The following ANKRD31 variants were observed in gnomAD, a reference collection of about 807,000 sequenced individuals.
The protein encoded by ANKRD31 is ankyrin repeat domain-containing protein 31.
In ANKRD31, 147 loss-of-function variants were observed where a neutral mutation model predicts 186.0. The ratio of observed to expected loss-of-function variants is 0.79; its 90% CI spans 0.69 to 0.91. The LOEUF is 0.91. Among genes scored for constraint, ANKRD31 ranks in the 40% least tolerant of loss-of-function variants. ANKRD31 has a pLI of 0.00. For synonymous variants in ANKRD31, 673 were observed against 736.4 expected (o/e 0.91, Z 1.39); for missense variants, 1,986 against 2,148.8 (o/e 0.92, Z 1.50).
At chr5:75,231,964 C>T (rs1355976872) in intron 1 of ANKRD31, among the ~76,000 whole-genome samples, 2 of 150,670 alleles carry the variant, frequency 1.3e-5, no homozygotes, top group Admixed American at 6.6e-5. Flanking sequence ...TCTAATAGTT[C>T]TCAGCATCAG....
chr5:75,214,908 C>T (rs2150295191), intron 3 of ANKRD31, among the ~76,000 whole-genome samples: 1 of 152,238 alleles, frequency 6.6e-6, no homozygotes, highest in South Asian at 2.1e-4. Flanking sequence ...AGTCAGGATC[C>T]TCCAGAGAAA....
At position 75,068,339 on chromosome 5, in the gene ANKRD31, G is replaced by A. The variant is rs1743928721; in HGVS notation, c.*180C>T. The A allele has an allele frequency of 1.9e-6, 1 of 520,028 alleles. No homozygotes were observed. Among genetic ancestry groups the A allele is most frequent in the South Asian group, 8.4e-5 (1 of 11,846 alleles). The allele number at this position is 520,028 out of a possible 1,614,324, so 32.2% of individuals were successfully genotyped here. A position where few individuals can be genotyped will look rare whatever the true frequency, so the allele number is the denominator to read the frequency against. ...GTGCCTTTATTTCAATGGCAAAAAAGCATTAATCTTATATAATTGTTGAAC... is the reference window on the plus strand; with the variant it reads ...GTGCCTTTATTTCAATGGCAAAAAAACATTAATCTTATATAATTGTTGAAC... On this transcript the variant is annotated 3_prime_UTR_variant, in exon 26 of 26. Coordinates refer to ENST00000506364, the MANE Select transcript of ANKRD31 (RefSeq NM_001372053.1).
intron 10 of ANKRD31, among the ~76,000 whole-genome samples, chr5:75,175,790 A>G: frequency 6.6e-6 from 1 of 152,190 alleles, no homozygotes; most frequent in Non-Finnish European, 1.5e-5. Flanking sequence ...GCTCCAGTCT[A>G]CAGCTCCCAG....
At chr5:75,214,692 T>G (rs1422701) in intron 3 of ANKRD31, among the ~76,000 whole-genome samples, 77,290 of 152,044 alleles carry the variant, frequency 0.51, 22,704 homozygotes, top group African/African-American at 0.82. Context: ...CTCTGAATCT[T>G]GATAAAGATA....
intron 18 of ANKRD31, among the ~76,000 whole-genome samples, chr5:75,117,856 C>A (rs1440891590): frequency 6.6e-6 from 1 of 152,108 alleles, no homozygotes; most frequent in Non-Finnish European, 1.5e-5. Context: ...TCAATTACAT[C>A]TCTATCTCAA....
intron 17 of ANKRD31, among the ~76,000 whole-genome samples, chr5:75,130,041 T>C (rs1369234355): frequency 5.3e-5 from 8 of 152,198 alleles, no homozygotes. Flanking sequence ...TTACAGTTCT[T>C]AAAGATGGCG....
At chr5:75,136,579 G>A (rs1388529763) in intron 17 of ANKRD31, among the ~76,000 whole-genome samples, 2 of 152,224 alleles carry the variant, frequency 1.3e-5, no homozygotes, top group Admixed American at 1.3e-4. Context: ...CTGTAAACTA[G>A]TTCAACCATT....
chr5:75,224,926 A>C (rs73763035), intron 2 of ANKRD31, among the ~76,000 whole-genome samples: 20,197 of 152,236 alleles, frequency 0.13, 1,481 homozygotes, highest in Middle Eastern at 0.26. Context: ...AAATGCTCTT[A>C]CAAATCAATA....
At chr5:75,077,527 T>A (rs1401533169) in intron 25 of ANKRD31, among the ~76,000 whole-genome samples, 1 of 149,624 alleles carries the variant, frequency 6.7e-6, no homozygotes, top group Admixed American at 6.7e-5. Context: ...TTATAGGTGG[T>A]TTATTAACCT....
chr5:75,171,662 C>G (rs901019279), intron 10 of ANKRD31, among the ~76,000 whole-genome samples: 4 of 151,066 alleles, frequency 2.6e-5, no homozygotes, highest in Admixed American at 2.6e-4. Context: ...TAAATCGATT[C>G]TTGAAAAAAA....
At chr5:75,083,565 C>T (rs973876876) in intron 24 of ANKRD31, among the ~76,000 whole-genome samples, 1 of 152,072 alleles carries the variant, frequency 6.6e-6, no homozygotes, top group African/African-American at 2.4e-5. Context: ...CCCGTCTCCA[C>T]TAAAACTACA....
chr5:75,078,228 G>A lies in ANKRD31; in HGVS notation c.5647+2340C>T, dbSNP rs114045219. Among the ~76,000 whole-genome samples, 1,217 of 152,232 alleles carry A rather than the reference G, an allele frequency of 8.0e-3. 26 individuals carry two copies. Among genetic ancestry groups the A allele is most frequent in the African/African-American group, 0.027 (1,116 of 41,530 alleles). On this transcript the variant is annotated intron_variant, in intron 25 of 25. Coordinates refer to ENST00000506364, the MANE Select transcript of ANKRD31 (RefSeq NM_001372053.1). ...ATCAGGTACCCATCTTTGGGTGTTC[G>A]AGGTTTAAAAAGCGCTTAACCACAT... is the stretch of plus-strand genomic sequence containing the variant.
At chr5:75,190,881 T>C (rs1032562362) in intron 9 of ANKRD31, among the ~76,000 whole-genome samples, 2 of 152,138 alleles carry the variant, frequency 1.3e-5, no homozygotes, top group East Asian at 1.9e-4. Flanking sequence ...GTTTTTTGCA[T>C]ACTAATGCAA....
chr5:75,114,070 T>C (rs988519675), intron 19 of ANKRD31, among the ~76,000 whole-genome samples: 2 of 152,226 alleles, frequency 1.3e-5, no homozygotes, highest in Admixed American at 6.5e-5. Context: ...AGTTAAGCTT[T>C]GTGTTTTTGT....
chr5:75,069,621 G>A (rs1031489697), intron 25 of ANKRD31, among the ~76,000 whole-genome samples: 1 of 151,724 alleles, frequency 6.6e-6, no homozygotes, highest in East Asian at 1.9e-4. Context: ...CCTTGGCTCA[G>A]TGCAACCTCT....
chr5:75,171,250 T>C (rs1410891655), intron 10 of ANKRD31, among the ~76,000 whole-genome samples: 1 of 151,938 alleles, frequency 6.6e-6, no homozygotes, highest in Non-Finnish European at 1.5e-5. Flanking sequence ...TGCAAAAAGG[T>C]CAAAATCATG....
At position 75,175,819 on chromosome 5, in the gene ANKRD31, C is replaced by T. The variant is rs192973499; in HGVS notation, c.1565-6698G>A. On this transcript the variant is annotated intron_variant, in intron 10 of 25. Transcript: ENST00000506364. Reference sequence around the variant, plus strand: ...CTCCCAGCGTGAGCGATGCAGAAGACGGGTGATTTCTGCATTTCCAACTGC... The same window carrying T: ...CTCCCAGCGTGAGCGATGCAGAAGATGGGTGATTTCTGCATTTCCAACTGC... Among the ~76,000 whole-genome samples, 155 of 152,168 alleles carry T rather than the reference C, an allele frequency of 1.0e-3. 1 individual carries two copies. Among genetic ancestry groups the T allele is most frequent in the Non-Finnish European group, 1.8e-3 (121 of 68,004 alleles).
In ANKRD31 at chr5:75,104,783, T is replaced by C. The variant is rs1315140592; in HGVS notation, c.4776A>G (p.Arg1592=). Residue 1592 remains arginine (R), a synonymous_variant, in exon 22 of 26, where the codon AGA becomes AGG. Coordinates refer to ENST00000506364, the MANE Select transcript of ANKRD31 (RefSeq NM_001372053.1). Reference sequence around the variant, plus strand: ...TATTCTTCTCTGTGCCATCTGAATGTCTGGATTTTGGAAAACCATCCAAGG... The same window carrying C: ...TATTCTTCTCTGTGCCATCTGAATGCCTGGATTTTGGAAAACCATCCAAGG... ...DCTLDGFPKS[R]HSDGTEKNKL... The C allele has an allele frequency of 6.5e-7, 1 of 1,537,248 alleles. No homozygotes were observed. The highest frequency in any genetic ancestry group is 2.4e-5 in the East Asian group (1 of 40,910).
At chr5:75,196,549 C>G (rs930092358) in intron 6 of ANKRD31, among the ~76,000 whole-genome samples, 20 of 152,136 alleles carry the variant, frequency 1.3e-4, no homozygotes, top group Non-Finnish European at 2.4e-4. Context: ...AGCTTCATAG[C>G]CATTAATGGT....
Sources: gnomAD v4.1 joint callset for allele counts (sites outside exome capture counted in the v4.1 genomes callset) on GRCh38, gnomAD v4.1.1 for gene constraint, MANE v1.5 for transcripts, NCBI Gene and HGNC (gene_info 2026-07-23, HGNC 2026-07-21) for gene names.